Variants in CAMK1D observed in about 807,000 individuals in gnomAD.
CAMK1D encodes calcium/calmodulin dependent protein kinase ID.
CAMK1D carries 9 observed loss-of-function variants against 47.7 expected under a neutral mutation model. That is an observed-to-expected ratio of 0.19 (90% confidence interval 0.11 to 0.33). The LOEUF (loss-of-function observed/expected upper bound fraction) is 0.33, where lower values mean the gene tolerates loss of function less well. Ranked by LOEUF, CAMK1D falls within the 10% of genes least tolerant of loss-of-function variation. CAMK1D has a pLI of 1.00. For missense variants in CAMK1D, 291 were observed against 488.7 expected (o/e 0.60, Z 3.81); for synonymous variants, 184 against 184.9 (o/e 0.99, Z 0.04).
At chr10:12,598,817 A>G (rs1588675471) in intron 2 of CAMK1D, among the ~76,000 whole-genome samples, 1 of 152,324 alleles carries the variant, frequency 6.6e-6, no homozygotes, top group Middle Eastern at 3.4e-3. Context: ...TGCAAATAAC[A>G]TGCTACTGGC....
At chr10:12,819,835 G>A (rs376814790) in intron 8 of CAMK1D, among the ~76,000 whole-genome samples, 3 of 152,290 alleles carry the variant, frequency 2.0e-5, no homozygotes, top group Middle Eastern at 3.4e-3. Flanking sequence ...GGCCTGCGCG[G>A]GGCAGCGTGG....
rs58173311 is a variant in CAMK1D at position 12,670,126 on chromosome 10, C to CT, written c.299+3335dup. Among the ~76,000 whole-genome samples, 510 of 88,186 alleles carry CT rather than the reference C, an allele frequency of 5.8e-3. 6 individuals carry two copies. The highest frequency in any genetic ancestry group is 6.8e-3 in the Middle Eastern group (1 of 146). 57.9% of individuals were successfully genotyped at this position (88,186 alleles called of 152,430 possible). A position where few individuals can be genotyped will look rare whatever the true frequency, so the allele number is the denominator to read the frequency against. ...TTTCCAAAGTGGTTGTACCGTTTTG[C>CT]TTTTTTTTTTTTTTTTTTTGGCCAG... On this transcript the variant is annotated intron_variant, in intron 3 of 10. Transcript: ENST00000619168.
rs964782146 is a variant in CAMK1D at position 12,503,003 on chromosome 10, C to T, written c.93-50222C>T. On this transcript the variant is annotated intron_variant, in intron 1 of 10. Coordinates refer to ENST00000619168, the MANE Select transcript of CAMK1D (RefSeq NM_153498.4). ...TGCACTGTTGCCCCTTCAGGCTGTT[C>T]GCATGCACGCGTGTATATATGCATG... Among the ~76,000 whole-genome samples, 8 of 152,010 alleles carry T rather than the reference C, an allele frequency of 5.3e-5. No homozygotes were observed. The East Asian group carries it at 7.8e-4, about 15-fold the overall frequency.
intron 1 of CAMK1D, among the ~76,000 whole-genome samples, chr10:12,410,158 C>T (rs1251761582): frequency 1.3e-5 from 2 of 152,180 alleles, no homozygotes; most frequent in African/African-American, 2.4e-5. Context: ...AATTCTCATC[C>T]GATTAGTTTG....
At chr10:12,623,146 T>C (rs1488827306) in intron 2 of CAMK1D, among the ~76,000 whole-genome samples, 1 of 12,076 alleles carries the variant, frequency 8.3e-5, no homozygotes, top group Admixed American at 9.0e-4. Flanking sequence ...CCTTCCTCCC[T>C]TCCTTCCTCC....
intron 1 of CAMK1D, among the ~76,000 whole-genome samples, chr10:12,502,749 T>C (rs183236426): frequency 2.0e-5 from 3 of 152,124 alleles, no homozygotes; most frequent in Non-Finnish European, 4.4e-5. Flanking sequence ...GGAGAGAGGG[T>C]GAAGGCAGAG....
chr10:12,390,856 T>C lies in CAMK1D; in HGVS notation c.92+40946T>C, dbSNP rs139647237. Among the ~76,000 whole-genome samples, 19 of 152,292 alleles carry C rather than the reference T, an allele frequency of 1.2e-4. 1 individual carries two copies. The highest frequency in any genetic ancestry group is 4.3e-4 in the African/African-American group (18 of 41,556). ...AGCTGTCCCCACGGAGCCATCCTTCTGGCCCACTAGATTCAGAATGAACTC... is the reference window on the plus strand; with the variant it reads ...AGCTGTCCCCACGGAGCCATCCTTCCGGCCCACTAGATTCAGAATGAACTC... On this transcript the variant is annotated intron_variant, in intron 1 of 10. Coordinates refer to ENST00000619168, the MANE Select transcript of CAMK1D (RefSeq NM_153498.4).
At position 12,821,655 on chromosome 10, in the gene CAMK1D, A is replaced by G. The variant is rs183876668; in HGVS notation, c.834-2810A>G. Among the ~76,000 whole-genome samples the G allele has an allele frequency of 1.3e-3, 196 of 152,348 alleles. 1 individual carries two copies. The highest frequency in any genetic ancestry group is 0.01 in the Admixed American group (160 of 15,300). ...TAAAAGGTGTGATTACGTAAATGCT[A>G]TCTGCATTGTTCTTGTAGGTATTAA... is the stretch of plus-strand genomic sequence containing the variant. On this transcript the variant is annotated intron_variant, in intron 8 of 10. Coordinates refer to ENST00000619168, the MANE Select transcript of CAMK1D (RefSeq NM_153498.4).
At chr10:12,423,179 A>G (rs1039931229) in intron 1 of CAMK1D, among the ~76,000 whole-genome samples, 7 of 152,096 alleles carry the variant, frequency 4.6e-5, no homozygotes, top group African/African-American at 1.7e-4. Context: ...TATCCATCTC[A>G]TCTAATATTA....
chr10:12,803,347 A>C (rs1285430749), intron 6 of CAMK1D, among the ~76,000 whole-genome samples: 1 of 152,216 alleles, frequency 6.6e-6, no homozygotes, highest in Admixed American at 6.5e-5. Flanking sequence ...TCACTGCTCC[A>C]TGATCAGCAT....
chr10:12,729,529 G>T (rs113990432), intron 3 of CAMK1D, among the ~76,000 whole-genome samples: 7,533 of 152,082 alleles, frequency 0.05, 513 homozygotes, highest in African/African-American at 0.15. Flanking sequence ...TCCCAGCTAC[G>T]TGGAAGGGTG....
intron 1 of CAMK1D, among the ~76,000 whole-genome samples, chr10:12,367,120 A>G (rs778609654): frequency 5.9e-5 from 9 of 152,160 alleles, no homozygotes; most frequent in Non-Finnish European, 8.8e-5. Flanking sequence ...ACTTGTGAGA[A>G]AAAGGGGATA....
At chr10:12,615,902 G>A (rs1838787918) in intron 2 of CAMK1D, among the ~76,000 whole-genome samples, 1 of 151,812 alleles carries the variant, frequency 6.6e-6, no homozygotes, top group East Asian at 1.9e-4. Flanking sequence ...GAGAGCATGT[G>A]CTGGTGTGTG....
intron 1 of CAMK1D, among the ~76,000 whole-genome samples, chr10:12,358,756 T>C (rs1837582396): frequency 6.6e-6 from 1 of 152,084 alleles, no homozygotes; most frequent in African/African-American, 2.4e-5. Flanking sequence ...CCTTGTGGGA[T>C]TGTTGTAAGG....
chr10:12,540,061 G>C (rs1836115076), intron 1 of CAMK1D, among the ~76,000 whole-genome samples: 1 of 151,938 alleles, frequency 6.6e-6, no homozygotes, highest in South Asian at 2.1e-4. Context: ...CTACAGGTGT[G>C]TGCAACTACA....
In CAMK1D at chr10:12,812,671, G is replaced by A. The variant is rs565985630; in HGVS notation, c.642-1524G>A. On this transcript the variant is annotated intron_variant, in intron 6 of 10. Transcript: ENST00000619168. ...CGTGGCTGCCACCCTCTGGGTTGTCGCAGCCCGAGAAGCAAGTTCTGCACC... is the reference window on the plus strand; with the variant it reads ...CGTGGCTGCCACCCTCTGGGTTGTCACAGCCCGAGAAGCAAGTTCTGCACC... 3.3e-5 allele frequency among the ~76,000 whole-genome samples: 5 copies of A among 152,258 alleles called. No individual in the cohort carries two copies. In the East Asian group the frequency reaches 7.7e-4, roughly 24 times the overall value.
At chr10:12,427,698 C>CTTTTTTTTTTTTTTTTTT (rs1588474191) in intron 1 of CAMK1D, among the ~76,000 whole-genome samples, 6 of 27,390 alleles carry the variant, frequency 2.2e-4, no homozygotes, top group East Asian at 1.0e-3. Context: ...ACTGAACTTA[C>CTTTTTTTTTTTTTTTTTT]TGTTTTTTTT....
At chr10:12,645,338 G>A (rs1839782798) in intron 2 of CAMK1D, among the ~76,000 whole-genome samples, 1 of 152,162 alleles carries the variant, frequency 6.6e-6, no homozygotes, top group Non-Finnish European at 1.5e-5. Flanking sequence ...TAAGAAGTCT[G>A]TGAACGTCTT....
rs373008607 is a variant in CAMK1D, at chr10:12,492,858, G to A, written c.93-60367G>A. Among the ~76,000 whole-genome samples the A allele has an allele frequency of 5.9e-5, 9 of 152,180 alleles. No homozygotes were observed. In the East Asian group the frequency reaches 1.7e-3, roughly 29 times the overall value. On this transcript the variant is annotated intron_variant, in intron 1 of 10. Transcript: ENST00000619168. ...ACACAAGAACGGCTGCTCCTTTGCT[G>A]TAGGTGACTGTCTGTCGTTACTTTC...
Sources: allele counts gnomAD v4.1 joint callset (sites outside exome capture counted in the v4.1 genomes callset), GRCh38; gene constraint gnomAD v4.1.1; transcripts MANE v1.5; gene names NCBI Gene and HGNC (gene_info 2026-07-23, HGNC 2026-07-21).